Variants in POF1B observed in about 807,000 individuals in gnomAD.
POF1B encodes the protein POF1B actin binding protein.
A neutral mutation model predicts 55.3 loss-of-function variants in POF1B; 53 were observed. That is an observed-to-expected ratio of 0.96 (90% CI 0.77 to 1.20). POF1B has a LOEUF of 1.20. Ranked by LOEUF, POF1B falls within the 50% of genes most tolerant of loss-of-function variation. The pLI is 0.00. For missense variants in POF1B, 478 were observed against 420.5 expected (o/e 1.14, Z -1.20); for synonymous variants, 188 against 148.3 (o/e 1.27, Z -1.95).
intron 7 of POF1B, among the ~76,000 whole-genome samples, chrX:85,328,219 T>TA (rs1932921864): frequency 5.7e-5 from 6 of 105,032 alleles, no homozygotes; most frequent in African/African-American, 2.1e-4. Flanking sequence ...TTTATTTATT[T>TA]TTTGAGATGG....
chrX:85,334,278 T>C, intron 6 of POF1B, among the ~76,000 whole-genome samples: 1 of 110,729 alleles, frequency 9.0e-6, no homozygotes, highest in East Asian at 2.9e-4. Flanking sequence ...CCTGTTACAA[T>C]ACTGACTTGA....
At chrX:85,320,505 G>A (rs773960573) in intron 7 of POF1B, among the ~76,000 whole-genome samples, 2 of 110,921 alleles carry the variant, frequency 1.8e-5, no homozygotes, top group East Asian at 2.8e-4. Flanking sequence ...ATCCAAAATT[G>A]ACACCGTAAC....
At chrX:85,372,750 T>TTA (rs1569300591) in intron 2 of POF1B, among the ~76,000 whole-genome samples, 1 of 102,477 alleles carries the variant, frequency 9.8e-6, no homozygotes, top group Non-Finnish European at 2.0e-5. Flanking sequence ...TTATTCATAT[T>TTA]TATATATATT....
intron 3 of POF1B, among the ~76,000 whole-genome samples, chrX:85,361,129 C>G (rs919854847): frequency 5.4e-5 from 6 of 111,767 alleles, no homozygotes; most frequent in Non-Finnish European, 1.1e-4. Flanking sequence ...GGATATTAGA[C>G]TTGTCAAATG....
intron 7 of POF1B, among the ~76,000 whole-genome samples, chrX:85,325,466 T>C (rs73627355): frequency 0.019 from 2,126 of 112,245 alleles, 46 homozygotes; most frequent in African/African-American, 0.065. Context: ...TCAATTCTGC[T>C]GTTAAAACTT....
intron 9 of POF1B, among the ~76,000 whole-genome samples, chrX:85,309,439 A>T (rs1004957693): frequency 6.3e-5 from 7 of 111,549 alleles, no homozygotes; most frequent in African/African-American, 2.3e-4. Context: ...CCTGGACATT[A>T]TATATAAAAC....
At chrX:85,292,929 G>C (rs1462513865) in intron 15 of POF1B, among the ~76,000 whole-genome samples, 1 of 111,090 alleles carries the variant, frequency 9.0e-6, no homozygotes, top group Non-Finnish European at 1.9e-5. Context: ...ATGATAAAAA[G>C]CTCAACATCA....
At chrX:85,360,071 A>G (rs772473377) in intron 3 of POF1B, among the ~76,000 whole-genome samples, 15 of 110,866 alleles carry the variant, frequency 1.4e-4, no homozygotes, top group Non-Finnish European at 2.1e-4. Context: ...AGAGAGGACC[A>G]TAGATATCAC....
chrX:85,279,282 C>T lies in POF1B; in HGVS notation c.*139G>A, dbSNP rs1931844739. The T allele has an allele frequency of 1.7e-6, 1 of 583,304 alleles. No individual in the cohort carries two copies. Among genetic ancestry groups the T allele is most frequent in the African/African-American group, 2.3e-5 (1 of 44,093 alleles). 48.1% of individuals were successfully genotyped at this position (583,304 alleles called of 1,213,427 possible). A position where few individuals can be genotyped will look rare whatever the true frequency, so the allele number is the denominator to read the frequency against. ...TTGTCATCTACAGAACTAATTCATTCCATTAGATTTCTTGGGTAGCAGCAT... is the reference window on the plus strand; with the variant it reads ...TTGTCATCTACAGAACTAATTCATTTCATTAGATTTCTTGGGTAGCAGCAT... On this transcript the variant is annotated 3_prime_UTR_variant, in exon 17 of 17. Coordinates refer to ENST00000262753, the MANE Select transcript of POF1B (RefSeq NM_024921.4).
intron 2 of POF1B, among the ~76,000 whole-genome samples, chrX:85,372,655 A>G (rs1197449303): frequency 1.9e-5 from 2 of 105,905 alleles, no homozygotes; most frequent in East Asian, 3.0e-4. Flanking sequence ...GCAAACCACC[A>G]TTGCCCGTTT....
intron 13 of POF1B, among the ~76,000 whole-genome samples, chrX:85,305,073 G>T (rs1281722916): frequency 9.0e-6 from 1 of 111,270 alleles, no homozygotes. Context: ...GAATGGAAAA[G>T]AAATCAGTGG....
At chrX:85,307,306 A>G (rs1448606568) in intron 10 of POF1B, 30 bp from the exon 11 acceptor site, 2 of 1,018,005 alleles carry the variant, frequency 2.0e-6, no homozygotes, top group Non-Finnish European at 2.7e-6. Flanking sequence ...ATTATGATTC[A>G]GAATTGCAAA....
At chrX:85,306,450 TA>T (rs1173034075) in intron 11 of POF1B, 117 bp from the exon 12 acceptor site, 1 of 715,357 alleles carries the variant, frequency 1.4e-6, no homozygotes, top group African/African-American at 2.2e-5. Context: ...CCAGTTTTCT[TA>T]TACTCTGGGT....
In POF1B at chrX:85,367,753, G is replaced by A; in HGVS notation, c.296C>T (p.Pro99Leu). 1.7e-6 allele frequency: 2 copies of A among 1,145,286 alleles called. No homozygotes were observed. Among genetic ancestry groups the A allele is most frequent in the Non-Finnish European group, 2.3e-6 (2 of 854,108 alleles). The allele number at this position is 1,145,286 out of a possible 1,213,427, so 94.4% of individuals were successfully genotyped here. ...GGCACATGTAGATATTTTTAAAGTTGGAGAATGGAGTTCCTGTTAAGAGAA... is the reference window on the plus strand; with the variant it reads ...GGCACATGTAGATATTTTTAAAGTTAGAGAATGGAGTTCCTGTTAAGAGAA... ...WSDHSQELHS[P>L]TLKISTCAPS... is the part of the protein sequence containing the mutation. The change falls in exon 3 of 17, where the codon CCA becomes CTA. Residue 99 changes from proline to leucine, a missense_variant. By Grantham distance (98) the Pro-to-Leu change is moderately conservative (BLOSUM62 -3). Coordinates refer to ENST00000262753, the MANE Select transcript of POF1B (RefSeq NM_024921.4).
intron 15 of POF1B, among the ~76,000 whole-genome samples, chrX:85,301,271 G>A (rs1177466307): frequency 9.0e-6 from 1 of 111,371 alleles, no homozygotes; most frequent in Admixed American, 9.5e-5. Context: ...AACATGTCAG[G>A]GGGATCCTCA....
Position 85,281,376 on chromosome X carries a change from C to T in POF1B, c.1764+827G>A, listed in dbSNP as rs1391013651. Among the ~76,000 whole-genome samples, 8 of 110,344 alleles carry T rather than the reference C, an allele frequency of 7.3e-5. No individual in the cohort carries two copies. The Admixed American group carries it at 7.8e-4, about 11-fold the overall frequency. ...TGATATCTGTAGGGGATCCTGGAAC[C>T]AATCTCTCATGGATATTGAGGGACA... On this transcript the variant is annotated intron_variant, in intron 16 of 16. Coordinates refer to ENST00000262753, the MANE Select transcript of POF1B (RefSeq NM_024921.4).
At chrX:85,373,958 C>T (rs1449501690) in intron 2 of POF1B, among the ~76,000 whole-genome samples, 2 of 110,829 alleles carry the variant, frequency 1.8e-5, no homozygotes, top group East Asian at 5.7e-4. Context: ...CATAGGACAC[C>T]AGAAGGAGAG....
At chrX:85,321,083 T>A (rs1304226257) in intron 7 of POF1B, among the ~76,000 whole-genome samples, 4 of 111,835 alleles carry the variant, frequency 3.6e-5, no homozygotes, top group African/African-American at 1.3e-4. Flanking sequence ...TCTTCCCTAA[T>A]TCATTTTATG....
chrX:85,286,848 G>A (rs1283790646), intron 15 of POF1B, among the ~76,000 whole-genome samples: 1 of 111,224 alleles, frequency 9.0e-6, no homozygotes, highest in Admixed American at 9.6e-5. Context: ...AATACTGATA[G>A]AACTGAAAGG....
Sources: allele counts gnomAD v4.1 joint callset (sites outside exome capture counted in the v4.1 genomes callset), GRCh38; gene constraint gnomAD v4.1.1; transcripts MANE v1.5; gene names NCBI Gene and HGNC (gene_info 2026-07-23, HGNC 2026-07-21).